SLC12A8: variants seen among roughly 807,000 people sequenced by gnomAD.
SLC12A8 encodes the protein solute carrier family 12 member 8.
A neutral mutation model predicts 75.6 loss-of-function variants in SLC12A8; 69 were observed. The ratio of observed to expected loss-of-function variants is 0.91; its 90% CI spans 0.75 to 1.11. The LOEUF (loss-of-function observed/expected upper bound fraction) is 1.11, where lower values mean the gene tolerates loss of function less well. Ranked by LOEUF, SLC12A8 falls within the 50% of genes most tolerant of loss-of-function variation. The pLI is 0.00. For synonymous variants in SLC12A8, 365 were observed against 372.8 expected, an observed-to-expected ratio of 0.98 and a Z score of 0.24; for missense variants, 877 against 896.7, an observed-to-expected ratio of 0.98 and a Z score of 0.28.
At chr3:125,176,174 A>G (rs1244590702) in intron 5 of SLC12A8, among the ~76,000 whole-genome samples, 1 of 152,198 alleles carries the variant, frequency 6.6e-6, no homozygotes, top group Non-Finnish European at 1.5e-5. Flanking sequence ...TCATCGTGCA[A>G]AAACAGGCCC....
chr3:125,140,238 G>A (rs751987312), intron 5 of SLC12A8, among the ~76,000 whole-genome samples: 4 of 152,164 alleles, frequency 2.6e-5, no homozygotes, highest in African/African-American at 4.8e-5. Context: ...CCCTTCCTAC[G>A]TGCCAGCCAC....
At chr3:125,173,182 A>G (rs1030032422) in intron 5 of SLC12A8, among the ~76,000 whole-genome samples, 1 of 152,214 alleles carries the variant, frequency 6.6e-6, no homozygotes, top group African/African-American at 2.4e-5. Context: ...TCCATCTCAA[A>G]AAAACAAACA....
chr3:125,181,607 CA>C (rs67602083), intron 4 of SLC12A8, among the ~76,000 whole-genome samples: 12,825 of 67,140 alleles, frequency 0.19, 211 homozygotes, highest in Middle Eastern at 0.28. Context: ...GACTCCGTCT[CA>C]AAAAAAAAAA....
chr3:125,101,015 G>A (rs1249890299), intron 10 of SLC12A8, among the ~76,000 whole-genome samples: 78 of 59,350 alleles, frequency 1.3e-3, no homozygotes, highest in African/African-American at 4.7e-3. Flanking sequence ...GCGAGACTCC[G>A]TCTCAAAAAA....
At chr3:125,110,435 T>C in intron 8 of SLC12A8, 100 bp from the exon 9 acceptor site, 1 of 1,201,510 alleles carries the variant, frequency 8.3e-7, no homozygotes, top group Non-Finnish European at 1.2e-6. Context: ...AATCATCCAC[T>C]GAGTCGTCTA....
At chr3:125,167,557 TG>T (rs1290703417) in intron 5 of SLC12A8, among the ~76,000 whole-genome samples, 10 of 152,334 alleles carry the variant, frequency 6.6e-5, no homozygotes, top group Middle Eastern at 3.4e-3. Flanking sequence ...GCCTTGGGCC[TG>T]GCAGCCATGC....
intron 2 of SLC12A8, among the ~76,000 whole-genome samples, chr3:125,199,010 C>A (rs1195866493): frequency 3.3e-5 from 5 of 151,914 alleles, no homozygotes; most frequent in Non-Finnish European, 7.4e-5. Flanking sequence ...GATCTCCTGA[C>A]CTCGTGATCC....
chr3:125,120,318 G>A (rs1053933032), intron 7 of SLC12A8, among the ~76,000 whole-genome samples: 11 of 151,042 alleles, frequency 7.3e-5, no homozygotes, highest in African/African-American at 2.4e-4. Flanking sequence ...GGGGAGGGAC[G>A]GGGGCGGGAG....
intron 5 of SLC12A8, among the ~76,000 whole-genome samples, chr3:125,161,843 A>G (rs1201862051): frequency 6.6e-6 from 1 of 152,236 alleles, no homozygotes; most frequent in Non-Finnish European, 1.5e-5. Context: ...TCTTTTGTCC[A>G]GTATATAACG....
intron 5 of SLC12A8, among the ~76,000 whole-genome samples, chr3:125,141,142 T>C (rs573512440): frequency 2.8e-5 from 4 of 143,428 alleles, no homozygotes; most frequent in Non-Finnish European, 6.0e-5. Context: ...TGTATGCTTT[T>C]AGGAAGAACA....
chr3:125,091,654 T>C (rs1341260980), intron 11 of SLC12A8, 98 bp from the exon 12 acceptor site: 2 of 798,726 alleles, frequency 2.5e-6, no homozygotes, highest in African/African-American at 3.4e-5. Flanking sequence ...TTCCCTCTCA[T>C]CAACTTCTGA....
Position 125,107,841 on chromosome 3 carries a change from T to A in SLC12A8, c.1345A>T (p.Arg449Ter). ...TCCAGTAGCGTGCCCTCCAAGACTC[T>A]TTGGGCAGGTCCCTCAGAGCCGTAA... ...PSYGSEGPAQ[R>*]VLEGTLLEFT... is the part of the protein sequence containing the mutation. The change falls in exon 10 of 14, where the codon AGA becomes TGA. Residue 449 changes from arginine to a stop codon, truncating the protein, a stop_gained. Coordinates refer to ENST00000469902, the MANE Select transcript of SLC12A8 (RefSeq NM_024628.6). LOFTEE classifies it high-confidence loss of function. The A allele has an allele frequency of 6.2e-7, 1 of 1,614,168 alleles. No individual in the cohort carries two copies. Among genetic ancestry groups the A allele is most frequent in the Non-Finnish European group, 8.5e-7 (1 of 1,180,036 alleles).
chr3:125,194,122 A>AG (rs2107798273), intron 2 of SLC12A8, among the ~76,000 whole-genome samples: 1 of 152,368 alleles, frequency 6.6e-6, no homozygotes, highest in East Asian at 1.9e-4. Context: ...TCCCTCAGAA[A>AG]GGGCAGCATA....
intron 5 of SLC12A8, among the ~76,000 whole-genome samples, chr3:125,155,432 C>A (rs1454408233): frequency 3.9e-5 from 6 of 151,904 alleles, no homozygotes. Flanking sequence ...GATTCTGATG[C>A]AGGAATTGAT....
chr3:125,174,725 T>C (rs1187718020), intron 5 of SLC12A8, among the ~76,000 whole-genome samples: 1 of 152,100 alleles, frequency 6.6e-6, no homozygotes, highest in East Asian at 1.9e-4. Context: ...AAGCTGAAAA[T>C]GCTACATACT....
intron 3 of SLC12A8, among the ~76,000 whole-genome samples, chr3:125,188,664 A>C (rs1934846630): frequency 6.6e-6 from 1 of 152,372 alleles, no homozygotes; most frequent in South Asian, 2.1e-4. Context: ...CTGATAGTCA[A>C]GACTTCATGT....
At chr3:125,195,705 T>C (rs1019900780) in intron 2 of SLC12A8, among the ~76,000 whole-genome samples, 3 of 151,520 alleles carry the variant, frequency 2.0e-5, no homozygotes, top group Middle Eastern at 3.4e-3. Context: ...GGCAAGACCA[T>C]CAGAGGCTGT....
chr3:125,118,756 A>C lies in SLC12A8; in HGVS notation c.912+13T>G. ...GCAGACTGAGCCCTTGGAGTAGCGC[A>C]GGCCTCACTCACCTTTTCCGCTATC... On this transcript the variant is annotated intron_variant, in intron 8 of 13. Transcript: ENST00000469902. The C allele has an allele frequency of 6.2e-7, 1 of 1,605,620 alleles. No individual in the cohort carries two copies. The highest frequency in any genetic ancestry group is 8.5e-7 in the Non-Finnish European group (1 of 1,173,060).
chr3:125,209,570 A>G (rs1935295437), intron 2 of SLC12A8, among the ~76,000 whole-genome samples: 1 of 152,256 alleles, frequency 6.6e-6, no homozygotes, highest in Non-Finnish European at 1.5e-5. Context: ...ACCAACACTG[A>G]TGGGGCAACT....
Sources: allele counts gnomAD v4.1 joint callset (sites outside exome capture counted in the v4.1 genomes callset), GRCh38; gene constraint gnomAD v4.1.1; transcripts MANE v1.5; gene names NCBI Gene and HGNC (gene_info 2026-07-23, HGNC 2026-07-21).